The following GRIA4 variants were observed in gnomAD, a reference collection of about 807,000 sequenced individuals.
GRIA4 encodes glutamate receptor 4.
A neutral mutation model predicts 104.0 loss-of-function variants in GRIA4; 34 were observed. That is an observed-to-expected ratio of 0.33 (90% CI 0.25 to 0.44). The LOEUF is 0.44. Among genes scored for constraint, GRIA4 ranks in the 20% least tolerant of loss-of-function variants. The pLI is 1.00. For missense variants in GRIA4, 750 were observed against 1,096.5 expected, an observed-to-expected ratio of 0.68 and a Z score of 4.46; for synonymous variants, 386 against 381.9, an observed-to-expected ratio of 1.01 and a Z score of -0.13.
At chr11:105,971,242 T>C (rs1858675188) in intron 14 of GRIA4, among the ~76,000 whole-genome samples, 1 of 152,214 alleles carries the variant, frequency 6.6e-6, no homozygotes, top group African/African-American at 2.4e-5. Context: ...AAATTGCTTC[T>C]GGTGATATTA....
chr11:105,899,197 T>G (rs1946768596), intron 7 of GRIA4, among the ~76,000 whole-genome samples: 1 of 152,228 alleles, frequency 6.6e-6, no homozygotes, highest in Non-Finnish European at 1.5e-5. Context: ...TTTCTAATTA[T>G]AATATTTCAT....
intron 4 of GRIA4, among the ~76,000 whole-genome samples, chr11:105,851,262 TTC>T (rs1944797633): frequency 6.6e-6 from 1 of 152,168 alleles, no homozygotes; most frequent in African/African-American, 2.4e-5. Flanking sequence ...GTTGAGCTTA[TTC>T]TTTCCTTTGT....
chr11:105,680,169 C>A (rs1281504967), intron 3 of GRIA4, among the ~76,000 whole-genome samples: 1 of 150,718 alleles, frequency 6.6e-6, no homozygotes, highest in Non-Finnish European at 1.5e-5. Flanking sequence ...GTAGTTGCAT[C>A]CCTCCTTTTG....
chr11:105,733,307 A>G (rs1938719181), intron 3 of GRIA4, among the ~76,000 whole-genome samples: 1 of 152,218 alleles, frequency 6.6e-6, no homozygotes, highest in South Asian at 2.1e-4. Flanking sequence ...AGTAGGCCAT[A>G]TAGATGATAC....
At chr11:105,672,414 G>A (rs1032143152) in intron 3 of GRIA4, among the ~76,000 whole-genome samples, 2 of 152,018 alleles carry the variant, frequency 1.3e-5, no homozygotes, top group African/African-American at 4.8e-5. Context: ...ATGTTAATGA[G>A]AAAATGAAGT....
chr11:105,816,563 C>A (rs1475799564), intron 4 of GRIA4, among the ~76,000 whole-genome samples: 1 of 152,194 alleles, frequency 6.6e-6, no homozygotes, highest in Non-Finnish European at 1.5e-5. Flanking sequence ...GTACAGCCTG[C>A]AGAACCATGA....
Position 105,918,803 on chromosome 11 carries a change from T to C in GRIA4, c.1361T>C (p.Ile454Thr). The change falls in exon 11 of 17, where the codon ATT becomes ACT. Residue 454 changes from isoleucine (I) to threonine (T), a missense_variant. By Grantham distance (89) the Ile-to-Thr change is moderately conservative. Coordinates refer to ENST00000282499, the MANE Select transcript of GRIA4 (RefSeq NM_000829.4). ...EGYCVDLASE[I>T]AKHIGIKYKI... is the part of the protein sequence containing the mutation. Reference sequence around the variant, plus strand: ...TACTGTGTAGATTTGGCATCTGAAATTGCAAAACATATTGGTATCAAGTAT... The same window carrying C: ...TACTGTGTAGATTTGGCATCTGAAACTGCAAAACATATTGGTATCAAGTAT... 6.3e-7 allele frequency: 1 copy of C among 1,599,392 alleles called. No homozygotes were observed. Among genetic ancestry groups the C allele is most frequent in the Non-Finnish European group, 8.6e-7 (1 of 1,167,526 alleles).
Position 105,612,588 on chromosome 11 carries a change from G to A in GRIA4, c.247+154G>A, listed in dbSNP as rs915428093. 3 of 541,014 alleles carry A rather than the reference G, an allele frequency of 5.5e-6. 1 individual carries two copies. The highest frequency in any genetic ancestry group is 7.9e-4 in the Middle Eastern group (2 of 2,536). The allele number at this position is 541,014 out of a possible 1,614,324, so 33.5% of individuals were successfully genotyped here. A position where few individuals can be genotyped will look rare whatever the true frequency, so the allele number is the denominator to read the frequency against. ...AAATCAGAGTTAAAAACAAGACTTCGTTTCAGGGATATTTAGTTGTTTTTT... is the reference window on the plus strand; with the variant it reads ...AAATCAGAGTTAAAAACAAGACTTCATTTCAGGGATATTTAGTTGTTTTTT... On this transcript the variant is annotated intron_variant, in intron 3 of 16. Coordinates refer to ENST00000282499, the MANE Select transcript of GRIA4 (RefSeq NM_000829.4).
chr11:105,802,313 T>C (rs1228890677), intron 4 of GRIA4, among the ~76,000 whole-genome samples: 1 of 152,124 alleles, frequency 6.6e-6, no homozygotes, highest in Non-Finnish European at 1.5e-5. Flanking sequence ...GCTTCCTCTA[T>C]GCATTCCTAT....
chr11:105,829,003 CCAGA>C (rs770426758), intron 4 of GRIA4, among the ~76,000 whole-genome samples: 6 of 151,640 alleles, frequency 4.0e-5, no homozygotes, highest in Non-Finnish European at 7.4e-5. Context: ...CCCAGTATTC[CCAGA>C]CAGACTTGCA....
intron 8 of GRIA4, 111 bp downstream of exon 8, chr11:105,904,092 T>C: frequency 1.4e-6 from 1 of 719,092 alleles, no homozygotes; most frequent in Non-Finnish European, 2.3e-6. Flanking sequence ...AATTGCTACT[T>C]AAATATATCA....
chr11:105,873,509 C>T (rs959928884), intron 5 of GRIA4, among the ~76,000 whole-genome samples: 27 of 152,148 alleles, frequency 1.8e-4, no homozygotes, highest in Non-Finnish European at 3.7e-4. Context: ...CACTGTCTTC[C>T]ACAATGGTTG....
At chr11:105,915,071 T>C (rs549261428) in intron 10 of GRIA4, among the ~76,000 whole-genome samples, 1 of 152,116 alleles carries the variant, frequency 6.6e-6, no homozygotes, top group East Asian at 1.9e-4. Flanking sequence ...CTTTTGGACT[T>C]GACATGAAAG....
intron 3 of GRIA4, among the ~76,000 whole-genome samples, chr11:105,686,119 C>T (rs572129090): frequency 4.6e-5 from 7 of 152,060 alleles, no homozygotes; most frequent in African/African-American, 1.7e-4. Context: ...ATGTTTGTTA[C>T]CTGGAAATAT....
intron 3 of GRIA4, among the ~76,000 whole-genome samples, chr11:105,623,051 TTGTATATATA>T (rs1332484622): frequency 1.1e-5 from 1 of 91,752 alleles, no homozygotes; most frequent in Non-Finnish European, 2.2e-5. Flanking sequence ...TAGTATTCCA[TTGTATATATA>T]TATATATATA....
At chr11:105,698,834 C>T (rs1953381480) in intron 3 of GRIA4, among the ~76,000 whole-genome samples, 1 of 152,198 alleles carries the variant, frequency 6.6e-6, no homozygotes, top group East Asian at 1.9e-4. Context: ...GGACTTTTCA[C>T]TCTGCACATG....
At chr11:105,915,076 T>C (rs1947361726) in intron 10 of GRIA4, among the ~76,000 whole-genome samples, 1 of 152,090 alleles carries the variant, frequency 6.6e-6, no homozygotes, top group African/African-American at 2.4e-5. Flanking sequence ...GGACTTGACA[T>C]GAAAGGAAAG....
At chr11:105,683,140 A>G (rs1029733724) in intron 3 of GRIA4, among the ~76,000 whole-genome samples, 4 of 152,168 alleles carry the variant, frequency 2.6e-5, no homozygotes, top group African/African-American at 9.6e-5. Context: ...TAAAAATTCC[A>G]TGATTTTTCT....
chr11:105,616,571 A>G (rs929393594), intron 3 of GRIA4, among the ~76,000 whole-genome samples: 2 of 151,610 alleles, frequency 1.3e-5, no homozygotes, highest in African/African-American at 4.8e-5. Context: ...TTTTTGTTTA[A>G]TTCAACTATG....
Sources: allele counts gnomAD v4.1 joint callset (sites outside exome capture counted in the v4.1 genomes callset), GRCh38; gene constraint gnomAD v4.1.1; transcripts MANE v1.5; gene names NCBI Gene and HGNC (gene_info 2026-07-23, HGNC 2026-07-21).